Variants in CDKAL1 observed in about 807,000 individuals in gnomAD.
CDKAL1 encodes threonylcarbamoyladenosine tRNA methylthiotransferase.
In CDKAL1, 32 loss-of-function variants were observed where a neutral mutation model predicts 68.2. That is an observed-to-expected ratio of 0.47 (90% CI 0.35 to 0.63). The LOEUF (loss-of-function observed/expected upper bound fraction) is 0.63. Among genes scored for constraint, CDKAL1 ranks in the 30% least tolerant of loss-of-function variants. CDKAL1 has a pLI of 0.00. For synonymous variants in CDKAL1, 234 were observed against 244.3 expected, an observed-to-expected ratio of 0.96 and a Z score of 0.39; for missense variants, 606 against 696.7, an observed-to-expected ratio of 0.87 and a Z score of 1.47.
intron 9 of CDKAL1, among the ~76,000 whole-genome samples, chr6:20,916,222 T>C (rs1762716861): frequency 1.3e-5 from 2 of 152,232 alleles, no homozygotes; most frequent in South Asian, 2.1e-4. Context: ...ATAAGGCCTG[T>C]AGTTAACAGA....
chr6:20,729,547 T>C (rs1390463943), intron 5 of CDKAL1, among the ~76,000 whole-genome samples: 7 of 152,366 alleles, frequency 4.6e-5, no homozygotes, highest in Non-Finnish European at 1.0e-4. Context: ...CTTGTAGATC[T>C]CTATAATTCT....
intron 13 of CDKAL1, among the ~76,000 whole-genome samples, chr6:21,166,332 C>T (rs58125738): frequency 0.015 from 2,246 of 152,122 alleles, 47 homozygotes; most frequent in African/African-American, 0.05. Flanking sequence ...AATGAGGGAC[C>T]GTTAAAATGT....
At chr6:20,949,734 G>C (rs1388576085) in intron 9 of CDKAL1, among the ~76,000 whole-genome samples, 4 of 151,898 alleles carry the variant, frequency 2.6e-5, no homozygotes, top group Non-Finnish European at 4.4e-5. Context: ...ATGTACAAGA[G>C]GGTTGGAGGC....
chr6:20,871,118 G>A (rs1388520897), intron 9 of CDKAL1, among the ~76,000 whole-genome samples: 1 of 152,132 alleles, frequency 6.6e-6, no homozygotes, highest in African/African-American at 2.4e-5. Flanking sequence ...CCAATTAGGA[G>A]AAGTACCTGT....
At chr6:20,694,501 A>G (rs1771027878) in intron 5 of CDKAL1, among the ~76,000 whole-genome samples, 1 of 152,064 alleles carries the variant, frequency 6.6e-6, no homozygotes, top group Non-Finnish European at 1.5e-5. Flanking sequence ...CAGCTTGCAT[A>G]TTGTCCATGT....
At chr6:20,988,141 T>G (rs948946304) in intron 10 of CDKAL1, among the ~76,000 whole-genome samples, 1 of 151,596 alleles carries the variant, frequency 6.6e-6, no homozygotes, top group Non-Finnish European at 1.5e-5. Flanking sequence ...AACATGAGAA[T>G]GCATCAGTGG....
intron 9 of CDKAL1, among the ~76,000 whole-genome samples, chr6:20,868,092 A>G (rs999028349): frequency 2.6e-5 from 4 of 152,202 alleles, no homozygotes; most frequent in African/African-American, 9.6e-5. Flanking sequence ...TAATTAGTTC[A>G]GAGACACACA....
At chr6:21,144,839 G>A (rs1007501373) in intron 13 of CDKAL1, among the ~76,000 whole-genome samples, 35 of 151,990 alleles carry the variant, frequency 2.3e-4, no homozygotes, top group African/African-American at 8.0e-4. Flanking sequence ...AAATAAAAAA[G>A]ATGAGAACAG....
chr6:21,166,410 A>G (rs555958920), intron 13 of CDKAL1, among the ~76,000 whole-genome samples: 13 of 152,308 alleles, frequency 8.5e-5, no homozygotes, highest in East Asian at 3.9e-4. Context: ...GAAGAGGGAA[A>G]GGTAGGGTGA....
intron 9 of CDKAL1, among the ~76,000 whole-genome samples, chr6:20,928,053 A>G (rs1300110521): frequency 1.3e-5 from 2 of 152,192 alleles, no homozygotes; most frequent in African/African-American, 4.8e-5. Context: ...GCTTTAACCA[A>G]CTATTTCATT....
At chr6:20,823,415 TTG>T (rs1209887895) in intron 8 of CDKAL1, among the ~76,000 whole-genome samples, 2 of 152,196 alleles carry the variant, frequency 1.3e-5, no homozygotes, top group Admixed American at 6.5e-5. Flanking sequence ...ATACAAATGT[TTG>T]TGTGTGATGC....
rs372478649 is a variant in CDKAL1, at chr6:21,065,180, A to G, written c.1188A>G (p.Pro396=). 5.6e-6 allele frequency: 9 copies of G among 1,610,194 alleles called. No homozygotes were observed. The highest frequency in any genetic ancestry group is 1.1e-5 in the South Asian group (1 of 89,310). ...FPSLFINQFY[P]RPGTPAAKME... is the part of the protein sequence containing the mutation. ...GCCTGTTTATTAACCAATTTTACCCAAGACCAGGAACTCCTGCTGCAAAAA... is the reference window on the plus strand; with the variant it reads ...GCCTGTTTATTAACCAATTTTACCCGAGACCAGGAACTCCTGCTGCAAAAA... Residue 396 remains proline (P), a synonymous_variant, in exon 12 of 16, where the codon CCA becomes CCG. Transcript: ENST00000274695.
intron 15 of CDKAL1, among the ~76,000 whole-genome samples, chr6:21,214,853 A>G (rs1441130049): frequency 6.6e-6 from 1 of 150,946 alleles, no homozygotes; most frequent in Non-Finnish European, 1.5e-5. Flanking sequence ...CAGGGAGCAA[A>G]TGCTCAGTAA....
intron 10 of CDKAL1, among the ~76,000 whole-genome samples, chr6:20,964,284 T>G (rs1765193953): frequency 6.6e-6 from 1 of 152,210 alleles, no homozygotes; most frequent in South Asian, 2.1e-4. Context: ...AGAAATACCA[T>G]TTGTCCTAGC....
At chr6:20,847,523 T>C (rs979438641) in intron 9 of CDKAL1, among the ~76,000 whole-genome samples, 2 of 152,234 alleles carry the variant, frequency 1.3e-5, no homozygotes, top group African/African-American at 2.4e-5. Flanking sequence ...TTTAACATCA[T>C]GCATTTCTAA....
At position 21,116,970 on chromosome 6, in the gene CDKAL1, C is replaced by T. The variant is rs184451681; in HGVS notation, c.1299+8507C>T. Among the ~76,000 whole-genome samples the T allele has an allele frequency of 5.9e-5, 9 of 152,302 alleles. No homozygotes were observed. The East Asian group carries it at 1.5e-3, about 26-fold the overall frequency. On this transcript the variant is annotated intron_variant, in intron 13 of 15. Coordinates refer to ENST00000274695, the MANE Select transcript of CDKAL1 (RefSeq NM_017774.3). ...GAGCCAGAGTACTTCCCCTCCATCC[C>T]GGGGCTGGTCACCTCCTGTTCTGTC... is the stretch of plus-strand genomic sequence containing the variant.
At chr6:20,799,514 AAGAC>A (rs968291604) in intron 8 of CDKAL1, among the ~76,000 whole-genome samples, 49 of 152,096 alleles carry the variant, frequency 3.2e-4, no homozygotes, top group African/African-American at 1.1e-3. Context: ...AATTTTTAAA[AAGAC>A]AGTTATATAG....
chr6:20,760,850 G>A (rs767907249), intron 7 of CDKAL1, among the ~76,000 whole-genome samples: 113 of 151,972 alleles, frequency 7.4e-4, no homozygotes, highest in Non-Finnish European at 1.1e-3. Context: ...TTGATGTGGC[G>A]TGATTGTTTA....
At chr6:21,113,121 G>A (rs1223143334) in intron 13 of CDKAL1, among the ~76,000 whole-genome samples, 2 of 152,160 alleles carry the variant, frequency 1.3e-5, no homozygotes, top group African/African-American at 4.8e-5. Flanking sequence ...AGCTGCCCAA[G>A]ACCACTTAAT....
Sources: gnomAD v4.1 joint callset for allele counts (sites outside exome capture counted in the v4.1 genomes callset) on GRCh38, gnomAD v4.1.1 for gene constraint, MANE v1.5 for transcripts, NCBI Gene and HGNC (gene_info 2026-07-23, HGNC 2026-07-21) for gene names.